Variants in TMPRSS15 observed in about 807,000 individuals in gnomAD.
TMPRSS15 encodes enteropeptidase.
A neutral mutation model predicts 125.3 loss-of-function variants in TMPRSS15; 128 were observed. The ratio of observed to expected loss-of-function variants is 1.02; its 90% confidence interval spans 0.89 to 1.18. TMPRSS15 has a LOEUF of 1.18. Ranked by LOEUF, TMPRSS15 falls within the 50% of genes most tolerant of loss-of-function variation. The probability of loss-of-function intolerance (pLI) is 0.00; values close to 1 mark genes in which losing one functional copy is unlikely to be tolerated. For synonymous variants in TMPRSS15, 446 were observed against 423.2 expected (o/e 1.05, Z -0.66); for missense variants, 1,283 against 1,212.7 (o/e 1.06, Z -0.86).
intron 1 of TMPRSS15, among the ~76,000 whole-genome samples, chr21:18,446,765 A>C (rs542784333): frequency 2.0e-5 from 3 of 152,208 alleles, no homozygotes; most frequent in Non-Finnish European, 2.9e-5. Flanking sequence ...CTAAACTTCT[A>C]TCTCTCATCA....
intron 21 of TMPRSS15, among the ~76,000 whole-genome samples, chr21:18,282,097 C>CAAAAAAA (rs954911028): frequency 1.1e-3 from 28 of 24,940 alleles, no homozygotes; most frequent in Non-Finnish European, 2.1e-3. Context: ...GACTCCGCCT[C>CAAAAAAA]AAAAAAAAAA....
rs752980129 is a variant in TMPRSS15, at chr21:18,397,948, T to C, written c.277-2A>G. On this transcript the variant is annotated splice_acceptor_variant, in intron 2 of 24. Coordinates refer to ENST00000284885, the MANE Select transcript of TMPRSS15 (RefSeq NM_002772.3). LOFTEE classifies it high-confidence loss of function. ...GCTTGATAGAAAGATCTCATCTATCTAGAAAAATATAAAAGATTGAATGAG... is the reference window on the plus strand; with the variant it reads ...GCTTGATAGAAAGATCTCATCTATCCAGAAAAATATAAAAGATTGAATGAG... 36 of 1,478,050 alleles carry C rather than the reference T, an allele frequency of 2.4e-5. No individual in the cohort carries two copies. Among genetic ancestry groups the C allele is most frequent in the Non-Finnish European group, 3.2e-5 (34 of 1,073,120 alleles). 91.6% of individuals were successfully genotyped at this position (1,478,050 alleles called of 1,614,324 possible).
Position 18,278,962 on chromosome 21 carries a change from A to G in TMPRSS15, c.2764+2T>C. On this transcript the variant is annotated splice_donor_variant, in intron 23 of 24. Coordinates refer to ENST00000284885, the MANE Select transcript of TMPRSS15 (RefSeq NM_002772.3). LOFTEE classifies it high-confidence loss of function. ...TTTTTTTTTTTGAGTCTGATAATTT[A>G]CCTTGATATACAACCGTCCCCCAAC... is the stretch of plus-strand genomic sequence containing the variant. 1.4e-6 allele frequency: 1 copy of G among 724,350 alleles called. No individual in the cohort carries two copies. The highest frequency in any genetic ancestry group is 2.0e-6 in the Non-Finnish European group (1 of 489,794). 44.9% of individuals were successfully genotyped at this position (724,350 alleles called of 1,614,324 possible). A position where few individuals can be genotyped will look rare whatever the true frequency, so the allele number is the denominator to read the frequency against.
rs956174214 is a variant in TMPRSS15, at chr21:18,482,623, A to AT, written c.10+3175dup. On this transcript the variant is annotated intron_variant, in intron 1 of 7. Coordinates refer to the TMPRSS15 transcript ENST00000422787. Reference sequence around the variant, plus strand: ...ATTTATTTAATTTTATATTCCTTCAATTTTTTTTGTAATTGCTATATTGGT... The same window carrying AT: ...ATTTATTTAATTTTATATTCCTTCAATTTTTTTTTGTAATTGCTATATTGGT... 1.3e-4 allele frequency among the ~76,000 whole-genome samples: 20 copies of AT among 151,268 alleles called. No individual in the cohort carries two copies. The South Asian group carries it at 1.5e-3, about 11-fold the overall frequency.
rs371605283 is a variant in TMPRSS15 at position 18,441,281 on chromosome 21, CAAACA to C, written c.11-42957_11-42953del. Among the ~76,000 whole-genome samples, 14 of 149,278 alleles carry C rather than the reference CAAACA, an allele frequency of 9.4e-5. No homozygotes were observed. The South Asian group carries it at 1.1e-3, about 11-fold the overall frequency. Reference sequence around the variant, plus strand: ...AGGCAACAAGAGTGAAACTCCGTCTCAAACAAAACAAAACAAAACAAAACAAAACC... The same window carrying C: ...AGGCAACAAGAGTGAAACTCCGTCTCAAACAAAACAAAACAAAACAAAACC... On this transcript the variant is annotated intron_variant, in intron 1 of 7. Transcript: ENST00000422787.
chr21:18,280,060 T>C (rs528067650), intron 22 of TMPRSS15, among the ~76,000 whole-genome samples: 1 of 152,166 alleles, frequency 6.6e-6, no homozygotes, highest in Non-Finnish European at 1.5e-5. Context: ...TTTTGATAAG[T>C]GCTGTAATGC....
At chr21:18,280,035 G>C (rs78996722) in intron 22 of TMPRSS15, among the ~76,000 whole-genome samples, 2,064 of 152,160 alleles carry the variant, frequency 0.014, 40 homozygotes, top group African/African-American at 0.047. Flanking sequence ...ACAACTAACC[G>C]TAGCAATAGT....
intron 16 of TMPRSS15, among the ~76,000 whole-genome samples, chr21:18,315,470 A>G (rs967836993): frequency 9.1e-6 from 1 of 110,408 alleles, no homozygotes; most frequent in African/African-American, 3.0e-5. Context: ...GTGCACATGT[A>G]CCGTAGAACT....
intron 16 of TMPRSS15, among the ~76,000 whole-genome samples, chr21:18,316,693 G>A (rs9977229): frequency 0.18 from 26,815 of 152,062 alleles, 2,523 homozygotes; most frequent in African/African-American, 0.21. Flanking sequence ...CAGAGTTTGG[G>A]TTGTGCAAAA....
intron 1 of TMPRSS15, among the ~76,000 whole-genome samples, chr21:18,481,041 C>G (rs1327191745): frequency 6.6e-6 from 1 of 151,814 alleles, no homozygotes; most frequent in Non-Finnish European, 1.5e-5. Flanking sequence ...AAACTTGAAA[C>G]CAGAGGCAGA....
At chr21:18,370,795 C>G (rs1268273579) in intron 6 of TMPRSS15, among the ~76,000 whole-genome samples, 1 of 151,966 alleles carries the variant, frequency 6.6e-6, no homozygotes, top group Non-Finnish European at 1.5e-5. Context: ...AGACCAAATG[C>G]CTGGCTTTTA....
chr21:18,343,930 G>A lies in TMPRSS15; in HGVS notation c.1277+25C>T, dbSNP rs368798563. 2.0e-4 allele frequency: 314 copies of A among 1,590,410 alleles called. 1 individual carries two copies. The East Asian group carries it at 2.3e-3, about 12-fold the overall frequency. The stretch of plus-strand genomic sequence containing the variant: ...AATGTTACCCATTAAAAAAGACAGC[G>A]TTTAAACAGGTGTCTACAACATACC... On this transcript the variant is annotated intron_variant, in intron 11 of 24. Transcript: ENST00000284885.
At chr21:18,434,140 A>G (rs995763704) in intron 1 of TMPRSS15, among the ~76,000 whole-genome samples, 1 of 152,202 alleles carries the variant, frequency 6.6e-6, no homozygotes, top group East Asian at 1.9e-4. Context: ...TCAACCTTCT[A>G]AAAAGATAGC....
rs2122953353 is a variant in TMPRSS15, at chr21:18,462,674, C to G, written c.10+23125G>C. 2.6e-5 allele frequency among the ~76,000 whole-genome samples: 4 copies of G among 151,888 alleles called. No individual in the cohort carries two copies. In the East Asian group the frequency reaches 7.8e-4, roughly 29 times the overall value. On this transcript the variant is annotated intron_variant, in intron 1 of 7. Transcript: ENST00000422787. The stretch of plus-strand genomic sequence containing the variant: ...AAAGCAGAAGTGCAAGCAAGAAAAA[C>G]AGTTGTACAAGTGGCTTTCAAAAAA...
chr21:18,467,668 T>C (rs1433133636), intron 1 of TMPRSS15, among the ~76,000 whole-genome samples: 1 of 152,074 alleles, frequency 6.6e-6, no homozygotes, highest in African/African-American at 2.4e-5. Flanking sequence ...ATCTAAAATA[T>C]ACAGATTCAA....
intron 1 of TMPRSS15, among the ~76,000 whole-genome samples, chr21:18,413,315 C>CCTTCCTTT (rs2076171710): frequency 1.3e-5 from 1 of 76,196 alleles, no homozygotes; most frequent in East Asian, 3.1e-4. Flanking sequence ...TCTTTCTTTT[C>CCTTCCTTT]CTTCCTTCCT....
chr21:18,353,980 T>A lies in TMPRSS15; in HGVS notation c.881-117A>T, dbSNP rs569831498. 134 of 869,326 alleles carry A rather than the reference T, an allele frequency of 1.5e-4. No individual in the cohort carries two copies. In the South Asian group the frequency reaches 2.1e-3, roughly 14 times the overall value. 53.9% of individuals were successfully genotyped at this position (869,326 alleles called of 1,614,324 possible). On this transcript the variant is annotated intron_variant, in intron 8 of 24. Coordinates refer to ENST00000284885, the MANE Select transcript of TMPRSS15 (RefSeq NM_002772.3). Reference sequence around the variant, plus strand: ...GTCAGTTGATCTATACAAATATCTATCTGATACCACTTAGTTAACTAAAAG... The same window carrying A: ...GTCAGTTGATCTATACAAATATCTAACTGATACCACTTAGTTAACTAAAAG...
chr21:18,270,661 A>AGTCT lies in TMPRSS15; in HGVS notation c.2905-541_2905-538dup, dbSNP rs549737191. Among the ~76,000 whole-genome samples, 285 of 152,318 alleles carry AGTCT rather than the reference A, an allele frequency of 1.9e-3. 2 individuals carry two copies. Among genetic ancestry groups the AGTCT allele is most frequent in the African/African-American group, 6.6e-3 (274 of 41,580 alleles). On this transcript the variant is annotated intron_variant, in intron 24 of 24. Transcript: ENST00000284885. ...AAAAACATTTCAACTGAAATAAGGAAGTCTGTGATATAATTTTTAGTGATA... is the reference window on the plus strand; with the variant it reads ...AAAAACATTTCAACTGAAATAAGGAAGTCTGTCTGTGATATAATTTTTAGTGATA...
intron 3 of TMPRSS15, among the ~76,000 whole-genome samples, chr21:18,388,503 A>T (rs1276160908): frequency 6.6e-6 from 1 of 152,194 alleles, no homozygotes; most frequent in Non-Finnish European, 1.5e-5. Context: ...AGACATGTAA[A>T]CATAAAGGGT....
Sources: gnomAD v4.1 joint callset for allele counts (sites outside exome capture counted in the v4.1 genomes callset) on GRCh38, gnomAD v4.1.1 for gene constraint, MANE v1.5 for transcripts, NCBI Gene and HGNC (gene_info 2026-07-23, HGNC 2026-07-21) for gene names.